Variants in TBCK observed in about 807,000 individuals in gnomAD.
TBCK encodes the protein TBC domain-containing protein kinase-like protein.
A neutral mutation model predicts 113.4 loss-of-function variants in TBCK; 99 were observed. The ratio of observed to expected loss-of-function variants is 0.87; its 90% CI spans 0.74 to 1.03. The LOEUF (loss-of-function observed/expected upper bound fraction) is 1.03. TBCK is among the 50% of genes least tolerant of loss of function. The probability of loss-of-function intolerance (pLI) is 0.00; values close to 1 mark genes in which losing one functional copy is unlikely to be tolerated. For synonymous variants in TBCK, 369 were observed against 370.8 expected, an observed-to-expected ratio of 1.00 and a Z score of 0.05; for missense variants, 1,045 against 1,061.3, an observed-to-expected ratio of 0.98 and a Z score of 0.21.
rs557234239 is a variant in TBCK, at chr4:106,198,387, C to T, written c.1861-3633G>A. Among the ~76,000 whole-genome samples, 24 of 152,016 alleles carry T rather than the reference C, an allele frequency of 1.6e-4. 1 individual carries two copies. The South Asian group carries it at 5.0e-3, about 32-fold the overall frequency. On this transcript the variant is annotated intron_variant, in intron 20 of 25. Coordinates refer to ENST00000394708, the MANE Select transcript of TBCK (RefSeq NM_001163435.3). ...GTATAAGAAACTCTAAATTTCTTTG[C>T]ACCTTACTACTTCCCTACACATGTT...
chr4:106,208,121 C>T (rs1213906877), intron 20 of TBCK, among the ~76,000 whole-genome samples: 1 of 152,120 alleles, frequency 6.6e-6, no homozygotes, highest in African/African-American at 2.4e-5. Context: ...TCCCATATGA[C>T]TTAAAACTGT....
intron 22 of TBCK, among the ~76,000 whole-genome samples, chr4:106,192,669 C>T (rs577703322): frequency 3.9e-5 from 6 of 152,036 alleles, no homozygotes; most frequent in East Asian, 1.9e-4. Context: ...AACAGAGAGG[C>T]GGTAAAGTAC....
rs1164968629 is a variant in TBCK, at chr4:106,042,668, T to C, written c.*3902A>G. 1 of 152,200 alleles carries C rather than the reference T, an allele frequency of 6.6e-6. No individual in the cohort carries two copies. Among genetic ancestry groups the C allele is most frequent in the African/African-American group, 2.4e-5 (1 of 41,438 alleles). The allele number at this position is 152,200 out of a possible 1,614,324, so 9.4% of individuals were successfully genotyped here. On this transcript the variant is annotated 3_prime_UTR_variant, in exon 26 of 26. Coordinates refer to ENST00000394708, the MANE Select transcript of TBCK (RefSeq NM_001163435.3). ...TGCTATAGAATCCTTTTGATACTAA[T>C]TCCCAAAGGAATATTTTTTGGTAAC...
chr4:106,219,232 A>G (rs28397232), intron 19 of TBCK, among the ~76,000 whole-genome samples: 6 of 86,892 alleles, frequency 6.9e-5, no homozygotes, highest in Admixed American at 1.6e-4. Context: ...GGGTGGGGGG[A>G]GGGGGGAGGG....
At chr4:106,223,951 T>G (rs910940868) in intron 19 of TBCK, among the ~76,000 whole-genome samples, 1 of 152,158 alleles carries the variant, frequency 6.6e-6, no homozygotes. Flanking sequence ...TTAATAATCT[T>G]AGATAATCTC....
At chr4:106,180,672 G>C (rs1752251361) in intron 22 of TBCK, among the ~76,000 whole-genome samples, 1 of 152,050 alleles carries the variant, frequency 6.6e-6, no homozygotes, top group Admixed American at 6.6e-5. Context: ...TGAGAATGAT[G>C]GTTTCCAGCT....
chr4:106,077,498 A>G (rs1210478749), intron 25 of TBCK, among the ~76,000 whole-genome samples: 1 of 152,242 alleles, frequency 6.6e-6, no homozygotes, highest in East Asian at 1.9e-4. Flanking sequence ...TAGAAAACAG[A>G]AACAGCAGGG....
At chr4:106,294,431 GC>G (rs1483099277) in intron 3 of TBCK, among the ~76,000 whole-genome samples, 2 of 151,384 alleles carry the variant, frequency 1.3e-5, no homozygotes, top group African/African-American at 4.9e-5. Context: ...TTTGAGACCA[GC>G]CTGGCCAACA....
chr4:106,220,931 T>G (rs1482737634), intron 19 of TBCK, among the ~76,000 whole-genome samples: 5 of 152,232 alleles, frequency 3.3e-5, no homozygotes, highest in Non-Finnish European at 1.5e-5. Context: ...TATATATCAA[T>G]GAAAGCATAC....
chr4:106,178,212 G>GT (rs1244023482), intron 22 of TBCK, among the ~76,000 whole-genome samples: 1 of 151,912 alleles, frequency 6.6e-6, no homozygotes, highest in Non-Finnish European at 1.5e-5. Context: ...TGTTCTAACA[G>GT]TTTTTTGGTG....
intron 4 of TBCK, among the ~76,000 whole-genome samples, 177 bp from the exon 5 acceptor site, chr4:106,260,687 G>T (rs1298031334): frequency 6.6e-6 from 1 of 151,726 alleles, no homozygotes; most frequent in Non-Finnish European, 1.5e-5. Flanking sequence ...AAAACTATCT[G>T]CCAATAGTCT....
chr4:106,173,890 T>C (rs1283395865), intron 22 of TBCK, among the ~76,000 whole-genome samples: 1 of 151,260 alleles, frequency 6.6e-6, no homozygotes, highest in East Asian at 1.9e-4. Flanking sequence ...ATTGAGACAA[T>C]GCATTGTGAA....
At chr4:106,180,854 C>T (rs2149775511) in intron 22 of TBCK, among the ~76,000 whole-genome samples, 1 of 152,204 alleles carries the variant, frequency 6.6e-6, no homozygotes, top group African/African-American at 2.4e-5. Context: ...GTGTGCATGT[C>T]TCTTTTTTGT....
Position 106,059,330 on chromosome 4 carries a change from G to A in TBCK, c.2572-12650C>T, listed in dbSNP as rs62320118. ...TATTGCATTTTTAACCAATTGAAGGGTTGTGGCAATCCTGTGTCAAGCAAG... is the reference window on the plus strand; with the variant it reads ...TATTGCATTTTTAACCAATTGAAGGATTGTGGCAATCCTGTGTCAAGCAAG... On this transcript the variant is annotated intron_variant, in intron 25 of 25. Transcript: ENST00000394708. Among the ~76,000 whole-genome samples the A allele has an allele frequency of 1.1e-3, 163 of 151,802 alleles. 1 individual carries two copies. Among genetic ancestry groups the A allele is most frequent in the South Asian group, 1.9e-3 (9 of 4,816 alleles).
intron 23 of TBCK, among the ~76,000 whole-genome samples, chr4:106,117,933 C>T (rs569224259): frequency 2.0e-5 from 3 of 150,892 alleles, no homozygotes; most frequent in South Asian, 4.2e-4. Context: ...GGCGTGAACC[C>T]GGGAGGCGGA....
intron 1 of TBCK, among the ~76,000 whole-genome samples, chr4:106,314,486 C>T (rs766698084): frequency 6.6e-6 from 1 of 151,326 alleles, no homozygotes; most frequent in Non-Finnish European, 1.5e-5. Context: ...AACAGTTTAA[C>T]TTATTATTTA....
chr4:106,078,144 G>A (rs1249341690), intron 25 of TBCK, among the ~76,000 whole-genome samples: 1 of 152,150 alleles, frequency 6.6e-6, no homozygotes, highest in African/African-American at 2.4e-5. Flanking sequence ...GTTGCATTAA[G>A]AGGAAGATTC....
intron 2 of TBCK, among the ~76,000 whole-genome samples, chr4:106,298,987 C>T (rs1163862462): frequency 6.6e-6 from 1 of 152,102 alleles, no homozygotes; most frequent in Non-Finnish European, 1.5e-5. Flanking sequence ...GGGGGGCCTA[C>T]TGTGATATCT....
At chr4:106,160,260 G>C (rs148504823) in intron 23 of TBCK, among the ~76,000 whole-genome samples, 6 of 151,950 alleles carry the variant, frequency 3.9e-5, no homozygotes, top group African/African-American at 1.2e-4. Context: ...AGGTGACAGA[G>C]AAAAAACAGT....
Sources: gnomAD v4.1 joint callset for allele counts (sites outside exome capture counted in the v4.1 genomes callset) on GRCh38, gnomAD v4.1.1 for gene constraint, MANE v1.5 for transcripts, NCBI Gene and HGNC (gene_info 2026-07-23, HGNC 2026-07-21) for gene names.